The following DDB2 variants were observed in gnomAD, a reference collection of about 807,000 sequenced individuals.
DDB2 encodes DNA damage-binding protein 2.
Under a neutral mutation model 50.5 loss-of-function variants are expected in DDB2, and 27 were observed. That is an observed-to-expected ratio of 0.53 (90% confidence interval 0.39 to 0.74). The LOEUF is 0.74. DDB2 is among the 30% of genes least tolerant of loss of function. DDB2 has a pLI of 0.00. For missense variants in DDB2, 424 were observed against 545.6 expected, an observed-to-expected ratio of 0.78 and a Z score of 2.22; for synonymous variants, 176 against 205.5, an observed-to-expected ratio of 0.86 and a Z score of 1.23.
chr11:47,216,602 T>C (rs1352831165), intron 2 of DDB2, 130 bp downstream of exon 2: 33 of 1,358,752 alleles, frequency 2.4e-5, no homozygotes, highest in Non-Finnish European at 3.4e-5. Context: ...CTGTGGTGAC[T>C]GGCCTACTGG....
At chr11:47,238,400 TTTC>T (rs1953776147) in intron 9 of DDB2, among the ~76,000 whole-genome samples, 1 of 151,574 alleles carries the variant, frequency 6.6e-6, no homozygotes, top group Non-Finnish European at 1.5e-5. Flanking sequence ...TTTCCTAGTA[TTTC>T]TTTTTTTTTT....
At chr11:47,235,169 G>C in intron 6 of DDB2, 101 bp from the exon 7 acceptor site, 1 of 1,508,872 alleles carries the variant, frequency 6.6e-7, no homozygotes. Flanking sequence ...CCTGTCTAGA[G>C]AGGAGTGGGA....
intron 1 of DDB2, chr11:47,216,049 C>G (rs1813061880): frequency 1.9e-6 from 1 of 518,508 alleles, no homozygotes; most frequent in South Asian, 2.0e-5. Context: ...CTGCATTGTA[C>G]TTTATCCTTG....
At chr11:47,228,879 C>A (rs1404374265) in intron 3 of DDB2, among the ~76,000 whole-genome samples, 1 of 148,242 alleles carries the variant, frequency 6.7e-6, no homozygotes, top group Non-Finnish European at 1.5e-5. Flanking sequence ...ATTGTTTAAA[C>A]CCAGGAGGCG....
At chr11:47,216,232 C>CA (rs1953398638) in intron 1 of DDB2, 104 bp from the exon 2 acceptor site, 2 of 1,554,818 alleles carry the variant, frequency 1.3e-6, no homozygotes, top group Non-Finnish European at 1.8e-6. Flanking sequence ...GGTGATGAGA[C>CA]AGAGATTAAC....
Position 47,237,857 on chromosome 11 carries a change from C to T in DDB2, c.1044C>T (p.Tyr348=). The T allele has an allele frequency of 6.2e-7, 1 of 1,614,156 alleles. No homozygotes were observed. The highest frequency in any genetic ancestry group is 8.5e-7 in the Non-Finnish European group (1 of 1,180,024). ...TPIKAAWHPR[Y]NLIVVGRYPD... The stretch of plus-strand genomic sequence containing the variant: ...CCTAGGCAGCCTGGCATCCTCGCTA[C>T]AACCTCATTGTTGTGGGCCGATACC... The change falls in exon 8 of 10, where the codon TAC becomes TAT. Residue 348 remains tyrosine, a synonymous_variant. Transcript: ENST00000256996.
intron 3 of DDB2, among the ~76,000 whole-genome samples, chr11:47,225,907 T>C (rs1338440886): frequency 1.3e-5 from 2 of 152,248 alleles, no homozygotes; most frequent in Non-Finnish European, 2.9e-5. Context: ...AATGCAGTGT[T>C]TTAAGATTCA....
intron 3 of DDB2, among the ~76,000 whole-genome samples, chr11:47,223,758 G>A (rs1162785527): frequency 4.6e-5 from 7 of 152,192 alleles, no homozygotes; most frequent in Non-Finnish European, 4.4e-5. Flanking sequence ...TCCAGCCTGG[G>A]TGACAGAGCA....
At chr11:47,214,950 C>A, upstream of DDB2, 1 of 779,108 alleles carries the variant, frequency 1.3e-6, no homozygotes, top group Non-Finnish European at 2.0e-6. Context: ...GTCTCCGAGA[C>A]GGGTGGGGCC....
chr11:47,215,052 C>G lies in DDB2; in HGVS notation c.-85C>G. ...CTGTGGCCCCGCAGTTTTGTAGTCCCCGCCTTGTTTCTCCCCAGAGGCCTC... is the reference window on the plus strand; with the variant it reads ...CTGTGGCCCCGCAGTTTTGTAGTCCGCGCCTTGTTTCTCCCCAGAGGCCTC... On this transcript the variant is annotated 5_prime_UTR_variant, in exon 1 of 10. Transcript: ENST00000256996. The G allele has an allele frequency of 6.2e-7, 1 of 1,604,900 alleles. No individual in the cohort carries two copies. The highest frequency in any genetic ancestry group is 2.2e-5 in the East Asian group (1 of 44,772).
intron 1 of DDB2, 126 bp downstream of exon 1, chr11:47,215,389 C>G (rs1953386100): frequency 1.2e-5 from 17 of 1,407,932 alleles, no homozygotes; most frequent in Admixed American, 1.7e-5. Flanking sequence ...TCCGGCTGTG[C>G]ATTCTACCTG....
chr11:47,219,144 C>T (rs1033263249), intron 3 of DDB2, among the ~76,000 whole-genome samples: 6 of 152,152 alleles, frequency 3.9e-5, no homozygotes, highest in Non-Finnish European at 7.4e-5. Context: ...GGGGTTTCAC[C>T]GTGTTAGCCA....
chr11:47,232,943 A>C lies in DDB2; in HGVS notation c.586A>C (p.Ser196Arg). Residue 196 changes from serine (S) to arginine (R), a missense_variant, in exon 4 of 10, where the codon AGC becomes CGC. Coordinates refer to ENST00000256996, the MANE Select transcript of DDB2 (RefSeq NM_000107.3). ...FKGNILRVFA[S>R]SDTINIWFCS... The stretch of plus-strand genomic sequence containing the variant: ...AGGCAACATTCTACGAGTTTTTGCC[A>C]GCTCAGACACCATCAAGTGAGTAGT... 6.2e-7 allele frequency: 1 copy of C among 1,614,228 alleles called. No homozygotes were observed. The highest frequency in any genetic ancestry group is 8.5e-7 in the Non-Finnish European group (1 of 1,180,032).
At chr11:47,223,209 G>A (rs115426117) in intron 3 of DDB2, among the ~76,000 whole-genome samples, 240 of 152,328 alleles carry the variant, frequency 1.6e-3, no homozygotes, top group African/African-American at 5.2e-3. Flanking sequence ...TCTAGGCTGG[G>A]CGCTGTGGCT....
chr11:47,232,008 G>T (rs1487890708), intron 3 of DDB2, among the ~76,000 whole-genome samples: 1 of 152,000 alleles, frequency 6.6e-6, no homozygotes, highest in Non-Finnish European at 1.5e-5. Context: ...TCCCAAATTT[G>T]CTATATGTTA....
chr11:47,215,129 A>T lies in DDB2; in HGVS notation c.-8A>T. ...TAGAGCACAGTACCCCTTCACACGGAGGACGCGATGGCTCCCAAGAAACGC... is the reference window on the plus strand; with the variant it reads ...TAGAGCACAGTACCCCTTCACACGGTGGACGCGATGGCTCCCAAGAAACGC... On this transcript the variant is annotated 5_prime_UTR_variant, in exon 1 of 10. Transcript: ENST00000256996. The T allele has an allele frequency of 2.5e-6, 4 of 1,613,998 alleles. No individual in the cohort carries two copies. The highest frequency in any genetic ancestry group is 3.4e-6 in the Non-Finnish European group (4 of 1,179,976).
chr11:47,217,061 C>A lies in DDB2; in HGVS notation c.456+12C>A. ...CCTTCATCAAAGGGGTGAGCAGTTC[C>A]CCATGCCAGGTCGTGCTAAAGAAGT... On this transcript the variant is annotated intron_variant, in intron 3 of 9. Coordinates refer to ENST00000256996, the MANE Select transcript of DDB2 (RefSeq NM_000107.3). 1 of 1,611,780 alleles carries A rather than the reference C, an allele frequency of 6.2e-7. No homozygotes were observed. Among genetic ancestry groups the A allele is most frequent in the Non-Finnish European group, 8.5e-7 (1 of 1,178,022 alleles).
chr11:47,227,658 C>T lies in DDB2; in HGVS notation c.457-5156C>T, dbSNP rs763308094. ...CCCAAGAAGCTGGCACCCACCACCA[C>T]GCCCAGCTGGCCCGATTGATTTTTA... is the stretch of plus-strand genomic sequence containing the variant. On this transcript the variant is annotated intron_variant, in intron 3 of 9. Coordinates refer to ENST00000256996, the MANE Select transcript of DDB2 (RefSeq NM_000107.3). Among the ~76,000 whole-genome samples the T allele has an allele frequency of 1.8e-3, 276 of 152,032 alleles. 2 individuals are homozygous for T. The highest frequency in any genetic ancestry group is 3.0e-3 in the Non-Finnish European group (203 of 68,018).
At position 47,215,017 on chromosome 11, in the gene DDB2, G is replaced by A. The variant is rs4647707; in HGVS notation, c.-120G>A. 27,057 of 1,493,168 alleles carry A rather than the reference G, an allele frequency of 0.018. 4,020 individuals are homozygous for A. In the African/African-American group the frequency reaches 0.33, roughly 18 times the overall value. The allele number at this position is 1,493,168 out of a possible 1,614,324, so 92.5% of individuals were successfully genotyped here. ...GCATGTTTGGCGGGAAGTTGGCTTAGCTCGGCTACCTGTGGCCCCGCAGTT... is the reference window on the plus strand; with the variant it reads ...GCATGTTTGGCGGGAAGTTGGCTTAACTCGGCTACCTGTGGCCCCGCAGTT... On this transcript the variant is annotated 5_prime_UTR_variant, in exon 1 of 10. An upstream open reading frame in the 5' UTR loses its in-frame stop. Transcript: ENST00000256996.
Sources: allele counts gnomAD v4.1 joint callset (sites outside exome capture counted in the v4.1 genomes callset), GRCh38; gene constraint gnomAD v4.1.1; transcripts MANE v1.5; gene names NCBI Gene and HGNC (gene_info 2026-07-23, HGNC 2026-07-21).